KSR2: variants seen among roughly 807,000 people sequenced by gnomAD.
KSR2 encodes kinase suppressor of ras 2.
KSR2 carries 25 observed loss-of-function variants against 107.8 expected under a neutral mutation model. The observed-to-expected ratio is 0.23, with a 90% CI of 0.17 to 0.32. The LOEUF (loss-of-function observed/expected upper bound fraction) is 0.32, where lower values mean the gene tolerates loss of function less well. Among genes scored for constraint, KSR2 ranks in the 10% least tolerant of loss-of-function variants. KSR2 has a pLI of 1.00. For missense variants in KSR2, 887 were observed against 1,268.9 expected (o/e 0.70, Z 4.57); for synonymous variants, 480 against 507.0 (o/e 0.95, Z 0.71).
chr12:117,797,291 T>C (rs1191075185), intron 3 of KSR2, among the ~76,000 whole-genome samples: 1 of 152,342 alleles, frequency 6.6e-6, no homozygotes, highest in East Asian at 1.9e-4. Context: ...CAATGGAATA[T>C]TATTCAGCCA....
At position 117,455,316 on chromosome 12, in the gene KSR2, G is replaced by A. The variant is rs1870561704; in HGVS notation, c.*11883C>T. On this transcript the variant is annotated 3_prime_UTR_variant, in exon 20 of 20. Coordinates refer to ENST00000339824, the MANE Select transcript of KSR2 (RefSeq NM_173598.6). Reference sequence around the variant, plus strand: ...CTTTGGGGAAAGCAGGGAAAGGCAGGCAAGTGCCAGGGGGCAGGATTTTAG... The same window carrying A: ...CTTTGGGGAAAGCAGGGAAAGGCAGACAAGTGCCAGGGGGCAGGATTTTAG... The A allele has an allele frequency of 6.6e-6, 1 of 152,338 alleles. No individual in the cohort carries two copies. Among genetic ancestry groups the A allele is most frequent in the East Asian group, 1.9e-4 (1 of 5,194 alleles). 9.4% of individuals were successfully genotyped at this position (152,338 alleles called of 1,614,324 possible). A position where few individuals can be genotyped will look rare whatever the true frequency, so the allele number is the denominator to read the frequency against.
intron 14 of KSR2, among the ~76,000 whole-genome samples, chr12:117,499,809 G>C (rs1430883348): frequency 6.6e-6 from 1 of 152,198 alleles, no homozygotes; most frequent in African/African-American, 2.4e-5. Context: ...AGACAAAAGG[G>C]CAGGCAGACG....
At chr12:117,806,388 T>G (rs934397528) in intron 3 of KSR2, among the ~76,000 whole-genome samples, 3 of 152,156 alleles carry the variant, frequency 2.0e-5, no homozygotes, top group African/African-American at 7.2e-5. Context: ...GGTGACTAAC[T>G]GCAACCAGGA....
intron 2 of KSR2, 71 bp from the exon 3 acceptor site, chr12:117,855,649 T>C (rs1385399865): frequency 8.6e-6 from 13 of 1,513,532 alleles, no homozygotes; most frequent in Non-Finnish European, 1.2e-5. Flanking sequence ...TGCCCTGTAG[T>C]GGTGCCTAGA....
chr12:117,663,531 C>T (rs184471889), intron 5 of KSR2, among the ~76,000 whole-genome samples: 22 of 152,290 alleles, frequency 1.4e-4, no homozygotes, highest in Admixed American at 7.2e-4. Context: ...CCCAAAGCCA[C>T]CCTTTATTGA....
chr12:117,866,849 AT>A (rs1186950128), intron 1 of KSR2, among the ~76,000 whole-genome samples: 2 of 147,774 alleles, frequency 1.4e-5, no homozygotes, highest in African/African-American at 2.6e-5. Context: ...TAAAAAAAAA[AT>A]GAGTCGATTT....
intron 14 of KSR2, among the ~76,000 whole-genome samples, chr12:117,504,042 G>C (rs770198739): frequency 6.6e-5 from 10 of 152,008 alleles, no homozygotes; most frequent in Non-Finnish European, 1.5e-4. Flanking sequence ...AGGCAAATGG[G>C]AATCTGTGCT....
intron 3 of KSR2, among the ~76,000 whole-genome samples, chr12:117,766,261 A>G (rs1277204294): frequency 6.6e-6 from 1 of 152,232 alleles, no homozygotes; most frequent in East Asian, 1.9e-4. Context: ...TCCACCTTGA[A>G]AAACACTATG....
intron 19 of KSR2, among the ~76,000 whole-genome samples, chr12:117,468,071 A>G (rs1230732430): frequency 2.0e-5 from 3 of 152,220 alleles, no homozygotes; most frequent in African/African-American, 7.2e-5. Context: ...CTAACTTGCC[A>G]GCACTCCTTT....
intron 4 of KSR2, chr12:117,674,296 G>T: frequency 2.0e-6 from 1 of 509,674 alleles, no homozygotes; most frequent in Admixed American, 2.0e-5. Context: ...GGCTGCCGCT[G>T]CCTCCTCGCT....
intron 5 of KSR2, among the ~76,000 whole-genome samples, chr12:117,646,122 A>G (rs1303024365): frequency 6.6e-6 from 1 of 152,132 alleles, no homozygotes; most frequent in Non-Finnish European, 1.5e-5. Context: ...GTTATACTCT[A>G]TTGTTTAAGA....
intron 9 of KSR2, among the ~76,000 whole-genome samples, chr12:117,552,135 A>G (rs952006805): frequency 1.7e-4 from 26 of 152,332 alleles, no homozygotes; most frequent in African/African-American, 6.3e-4. Context: ...TGCCAATAAC[A>G]AAGGAAAAGT....
At chr12:117,881,636 C>A (rs1894030361) in intron 1 of KSR2, among the ~76,000 whole-genome samples, 1 of 152,190 alleles carries the variant, frequency 6.6e-6, no homozygotes, top group Admixed American at 6.5e-5. Flanking sequence ...ATAACATTGG[C>A]CACATTATCC....
chr12:117,823,184 G>A (rs1293567763), intron 3 of KSR2, among the ~76,000 whole-genome samples: 4 of 151,938 alleles, frequency 2.6e-5, no homozygotes, highest in East Asian at 3.9e-4. Flanking sequence ...CGTGGCTGCC[G>A]AGGTAGGAAG....
intron 1 of KSR2, among the ~76,000 whole-genome samples, chr12:117,961,243 C>T (rs1171485662): frequency 6.6e-6 from 1 of 152,166 alleles, no homozygotes; most frequent in Non-Finnish European, 1.5e-5. Flanking sequence ...CTTCTCTGCA[C>T]TTTCTCCCCC....
intron 4 of KSR2, among the ~76,000 whole-genome samples, chr12:117,718,271 G>A (rs1233886632): frequency 1.3e-5 from 2 of 152,110 alleles, no homozygotes; most frequent in East Asian, 1.9e-4. Flanking sequence ...CTAAAGTTTG[G>A]GAATGCAAAG....
chr12:117,789,074 T>G (rs1397290685), intron 3 of KSR2, among the ~76,000 whole-genome samples: 1 of 152,232 alleles, frequency 6.6e-6, no homozygotes, highest in Non-Finnish European at 1.5e-5. Context: ...GCTGGTCCAG[T>G]GATCTCACTT....
chr12:117,748,885 G>A (rs1365369674), intron 4 of KSR2, among the ~76,000 whole-genome samples: 1 of 151,964 alleles, frequency 6.6e-6, no homozygotes, highest in African/African-American at 2.4e-5. Flanking sequence ...GGTGAGGCAG[G>A]GGAGAAAACA....
intron 1 of KSR2, among the ~76,000 whole-genome samples, chr12:117,874,103 G>A (rs748616877): frequency 2.6e-5 from 4 of 152,174 alleles, no homozygotes; most frequent in African/African-American, 9.7e-5. Context: ...CGCAGAAGGC[G>A]GGAAAGGCAC....
Sources: gnomAD v4.1 joint callset for allele counts (sites outside exome capture counted in the v4.1 genomes callset) on GRCh38, gnomAD v4.1.1 for gene constraint, MANE v1.5 for transcripts, NCBI Gene and HGNC (gene_info 2026-07-23, HGNC 2026-07-21) for gene names.